The following TOGARAM2 variants were observed in gnomAD, a reference collection of about 807,000 sequenced individuals.
TOGARAM2 encodes the protein TOG array regulator of axonemal microtubules protein 2.
In TOGARAM2, 85 loss-of-function variants were observed where a neutral mutation model predicts 93.3. The observed-to-expected ratio is 0.91, with a 90% confidence interval of 0.76 to 1.09. The LOEUF is 1.09. TOGARAM2 is among the 50% of genes least tolerant of loss of function. TOGARAM2 has a pLI of 0.00. For synonymous variants in TOGARAM2, 593 were observed against 552.8 expected (o/e 1.07, Z -1.02); for missense variants, 1,277 against 1,334.5 (o/e 0.96, Z 0.67).
At chr2:28,974,047 G>T (rs182599545) in intron 1 of TOGARAM2, among the ~76,000 whole-genome samples, 2 of 151,686 alleles carry the variant, frequency 1.3e-5, no homozygotes, top group African/African-American at 4.8e-5. Context: ...TTTCTCTGTA[G>T]ACAATGGGAT....
intron 10 of TOGARAM2, among the ~76,000 whole-genome samples, chr2:29,018,844 C>A (rs1331202223): frequency 6.6e-6 from 1 of 152,162 alleles, no homozygotes; most frequent in Non-Finnish European, 1.5e-5. Context: ...AGGAAACTTG[C>A]AATCATGGTG....
chr2:29,020,047 G>GGT (rs1430026617), intron 10 of TOGARAM2, among the ~76,000 whole-genome samples: 1 of 152,204 alleles, frequency 6.6e-6, no homozygotes, highest in African/African-American at 2.4e-5. Flanking sequence ...GAGGGAAGGG[G>GGT]TTTTTATCCC....
intron 18 of TOGARAM2, among the ~76,000 whole-genome samples, chr2:29,040,921 T>C (rs1471097931): frequency 6.6e-6 from 1 of 152,110 alleles, no homozygotes; most frequent in Non-Finnish European, 1.5e-5. Flanking sequence ...TAGGGGTTAA[T>C]AGGGGTTCAG....
chr2:28,968,782 C>T (rs1032095283), intron 1 of TOGARAM2, among the ~76,000 whole-genome samples: 6 of 139,930 alleles, frequency 4.3e-5, no homozygotes, highest in African/African-American at 1.6e-4. Flanking sequence ...TGCATCACTG[C>T]ACTCCAGCCA....
At chr2:28,979,000 A>G (rs950473216), upstream of TOGARAM2, among the ~76,000 whole-genome samples, 4 of 152,180 alleles carry the variant, frequency 2.6e-5, no homozygotes, top group African/African-American at 9.7e-5. Flanking sequence ...TTTTTTTAGA[A>G]TGAGAAAAGA....
At chr2:29,044,454 G>T (rs767810539) in intron 18 of TOGARAM2, among the ~76,000 whole-genome samples, 1 of 152,076 alleles carries the variant, frequency 6.6e-6, no homozygotes, top group Non-Finnish European at 1.5e-5. Context: ...AGAGCCAGCC[G>T]GGTGCTTCTG....
intron 1 of TOGARAM2, among the ~76,000 whole-genome samples, chr2:28,969,670 G>C (rs1200914975): frequency 6.6e-6 from 1 of 152,234 alleles, no homozygotes; most frequent in Non-Finnish European, 1.5e-5. Flanking sequence ...CTTGGAATGA[G>C]AGAGAAGTTT....
At chr2:28,989,134 C>A (rs935571412) in intron 1 of TOGARAM2, among the ~76,000 whole-genome samples, 1 of 152,230 alleles carries the variant, frequency 6.6e-6, no homozygotes, top group Non-Finnish European at 1.5e-5. Flanking sequence ...ACTGCAACCT[C>A]TGCCTCCCAT....
In TOGARAM2 at chr2:29,024,351, G is replaced by T. The variant is rs1477134816; in HGVS notation, c.1830G>T (p.Val610=). 1.1e-5 allele frequency: 17 copies of T among 1,610,404 alleles called. No individual in the cohort carries two copies. The highest frequency in any genetic ancestry group is 1.4e-5 in the Non-Finnish European group (17 of 1,178,464). Residue 610 remains valine, a synonymous_variant, in exon 13 of 20, where the codon GTG becomes GTT. Coordinates refer to ENST00000379558, the MANE Select transcript of TOGARAM2 (RefSeq NM_199280.4). ...VENVTLARSL[V]VLTSAGVYHR... ...ATGTGACCCTTGCCCGCTCCCTGGT[G>T]GTCCTCACCTCGGCGGGTGTCTAGT...
intron 6 of TOGARAM2, among the ~76,000 whole-genome samples, chr2:29,005,084 ATG>A (rs1184620791): frequency 3.5e-5 from 3 of 86,036 alleles, no homozygotes; most frequent in African/African-American, 8.8e-5. Flanking sequence ...GTGCATGTGT[ATG>A]TGTGAGTGCA....
chr2:29,005,779 T>TGC (rs1663719148), intron 6 of TOGARAM2, among the ~76,000 whole-genome samples: 1 of 52,578 alleles, frequency 1.9e-5, no homozygotes, highest in Non-Finnish European at 6.4e-5. Flanking sequence ...ATGTGTGGAG[T>TGC]ATCTGTGTGT....
chr2:29,027,134 C>T, intron 14 of TOGARAM2, 123 bp downstream of exon 14: 1 of 1,048,094 alleles, frequency 9.5e-7, no homozygotes, highest in Non-Finnish European at 1.3e-6. Context: ...TAGGCGGAAG[C>T]TATGTCCTTT....
intron 14 of TOGARAM2, among the ~76,000 whole-genome samples, chr2:29,027,225 G>A (rs937767471): frequency 6.6e-6 from 1 of 152,066 alleles, no homozygotes; most frequent in African/African-American, 2.4e-5. Context: ...CCACTTTCTG[G>A]TCTTCCATTT....
At chr2:29,013,422 C>G (rs191977477) in intron 7 of TOGARAM2, among the ~76,000 whole-genome samples, 1 of 152,268 alleles carries the variant, frequency 6.6e-6, no homozygotes, top group East Asian at 1.9e-4. Flanking sequence ...GTCCCACAGG[C>G]GGCCATCTGC....
intron 1 of TOGARAM2, among the ~76,000 whole-genome samples, chr2:28,968,902 C>T: frequency 6.6e-6 from 1 of 151,246 alleles, no homozygotes; most frequent in East Asian, 1.9e-4. Flanking sequence ...CCCTGTATTA[C>T]CCTTAAAGGG....
rs1272978521 is a variant in TOGARAM2 at position 29,033,581 on chromosome 2, T to A, written c.2225+18T>A. 5 of 1,606,352 alleles carry A rather than the reference T, an allele frequency of 3.1e-6. No homozygotes were observed. Among genetic ancestry groups the A allele is most frequent in the Non-Finnish European group, 4.3e-6 (5 of 1,176,278 alleles). On this transcript the variant is annotated intron_variant, in intron 16 of 19. Transcript: ENST00000379558. ...AAGGAGGGGTATGGCTGCTCCTGTA[T>A]CTCTGGGCTTCACATCTAAGACTTC... is the stretch of plus-strand genomic sequence containing the variant.
chr2:28,962,290 C>T (rs1671813006), intron 1 of TOGARAM2, among the ~76,000 whole-genome samples: 1 of 151,788 alleles, frequency 6.6e-6, no homozygotes, highest in Non-Finnish European at 1.5e-5. Context: ...ATTCTCCTGC[C>T]TCAGCCTCCC....
chr2:29,051,686 G>T, intron 19 of TOGARAM2, 70 bp from the exon 20 acceptor site: 1 of 1,321,546 alleles, frequency 7.6e-7, no homozygotes. Context: ...CAAAGTTGGT[G>T]TCCCAAGAGA....
At chr2:29,005,439 G>A (rs1375806640) in intron 6 of TOGARAM2, among the ~76,000 whole-genome samples, 1 of 149,234 alleles carries the variant, frequency 6.7e-6, no homozygotes, top group Non-Finnish European at 1.5e-5. Context: ...ATGTGCGTGA[G>A]TGCATGTATG....
Sources: gnomAD v4.1 joint callset for allele counts (sites outside exome capture counted in the v4.1 genomes callset) on GRCh38, gnomAD v4.1.1 for gene constraint, MANE v1.5 for transcripts, NCBI Gene and HGNC (gene_info 2026-07-23, HGNC 2026-07-21) for gene names.